Variants in CHL1 observed in about 807,000 individuals in gnomAD.
CHL1 encodes cell adhesion molecule L1 like, also known as neural cell adhesion molecule L1-like protein.
CHL1 carries 96 observed loss-of-function variants against 141.9 expected under a neutral mutation model. The ratio of observed to expected loss-of-function variants is 0.68; its 90% CI spans 0.57 to 0.80. The LOEUF is 0.80. Among genes scored for constraint, CHL1 ranks in the 30% least tolerant of loss-of-function variants. The pLI is 0.00. For synonymous variants in CHL1, 613 were observed against 502.2 expected, an observed-to-expected ratio of 1.22 and a Z score of -2.95; for missense variants, 1,820 against 1,457.2, an observed-to-expected ratio of 1.25 and a Z score of -4.05.
intron 2 of CHL1, among the ~76,000 whole-genome samples, chr3:255,487 T>C (rs1654316311): frequency 9.8e-6 from 1 of 102,060 alleles, no homozygotes; most frequent in Non-Finnish European, 2.0e-5. Context: ...GACAGCCTTT[T>C]GGTGTCTTTG....
At chr3:381,239 A>G (rs981559004) in intron 16 of CHL1, among the ~76,000 whole-genome samples, 3 of 152,180 alleles carry the variant, frequency 2.0e-5, no homozygotes, top group Non-Finnish European at 2.9e-5. Context: ...GCTGCATTTT[A>G]CAAAGAACCC....
At chr3:197,889 G>T (rs1242693618) in intron 1 of CHL1, 1 of 366,348 alleles carries the variant, frequency 2.7e-6, no homozygotes, top group Non-Finnish European at 5.2e-6. Flanking sequence ...TTTTTTTTTG[G>T]AGTGTGAGTG....
intron 1 of CHL1, among the ~76,000 whole-genome samples, chr3:208,650 T>C (rs1448884472): frequency 1.3e-5 from 2 of 152,220 alleles, no homozygotes; most frequent in Non-Finnish European, 2.9e-5. Flanking sequence ...TATTTGAATA[T>C]GGTACCATTA....
intron 22 of CHL1, 72 bp downstream of exon 22, chr3:391,231 A>T: frequency 8.2e-7 from 1 of 1,224,896 alleles, no homozygotes; most frequent in Non-Finnish European, 1.2e-6. Flanking sequence ...ATTCTTCCTT[A>T]TGGCCAGGCA....
At chr3:376,476 T>C in intron 15 of CHL1, 1 of 496,404 alleles carries the variant, frequency 2.0e-6, no homozygotes, top group South Asian at 1.5e-5. Flanking sequence ...GCACCCAACG[T>C]TGATTAATTG....
At chr3:276,793 G>A (rs754407377) in intron 2 of CHL1, among the ~76,000 whole-genome samples, 12 of 151,506 alleles carry the variant, frequency 7.9e-5, no homozygotes, top group Admixed American at 2.6e-4. Flanking sequence ...GGAGGCTGAG[G>A]CAGGAGAATA....
chr3:274,330 C>G (rs907394227), intron 2 of CHL1, among the ~76,000 whole-genome samples: 2 of 152,136 alleles, frequency 1.3e-5, no homozygotes, highest in Non-Finnish European at 2.9e-5. Context: ...CACACATATA[C>G]CCCACACACA....
At chr3:270,711 T>A (rs1203484540) in intron 2 of CHL1, among the ~76,000 whole-genome samples, 3 of 152,224 alleles carry the variant, frequency 2.0e-5, no homozygotes, top group African/African-American at 7.2e-5. Context: ...GCTAAAAGTT[T>A]TAAATGCAAT....
At chr3:388,812 C>A (rs1471317017) in intron 19 of CHL1, among the ~76,000 whole-genome samples, 1 of 152,168 alleles carries the variant, frequency 6.6e-6, no homozygotes, top group African/African-American at 2.4e-5. Flanking sequence ...AGAAAGAGTT[C>A]TCTTCAAAAA....
At position 399,605 on chromosome 3, in the gene CHL1, A is replaced by G. The variant is rs1255568070; in HGVS notation, c.3385+457A>G. Among the ~76,000 whole-genome samples the G allele has an allele frequency of 2.0e-5, 3 of 152,178 alleles. No individual in the cohort carries two copies. The East Asian group carries it at 5.8e-4, about 29-fold the overall frequency. ...CAGTGAGCTGAGATCATGCCACTGT[A>G]CTTCAGCTTGGGCGACAAGAGCAAA... is the stretch of plus-strand genomic sequence containing the variant. On this transcript the variant is annotated intron_variant, in intron 26 of 27. Coordinates refer to ENST00000256509, the MANE Select transcript of CHL1 (RefSeq NM_006614.4).
intron 14 of CHL1, among the ~76,000 whole-genome samples, chr3:365,556 A>C (rs960717884): frequency 6.6e-6 from 1 of 152,238 alleles, no homozygotes; most frequent in Non-Finnish European, 1.5e-5. Context: ...TTTCTGAATT[A>C]ATAATAAACA....
rs117733326 is a variant in CHL1, at chr3:207,229, G to T, written c.-175+10166G>T. On this transcript the variant is annotated intron_variant, in intron 1 of 27. Transcript: ENST00000256509. The stretch of plus-strand genomic sequence containing the variant: ...AAATAGCATTCTCAGATGCTGAGTG[G>T]CTCCAAAAGGCTCCTTTTTGTGTAC... Among the ~76,000 whole-genome samples, 20 of 152,254 alleles carry T rather than the reference G, an allele frequency of 1.3e-4. No homozygotes were observed. In the East Asian group the frequency reaches 3.1e-3, roughly 23 times the overall value.
At chr3:234,690 A>G (rs1691772468) in intron 1 of CHL1, among the ~76,000 whole-genome samples, 1 of 152,114 alleles carries the variant, frequency 6.6e-6, no homozygotes, top group Admixed American at 6.6e-5. Context: ...CAGCAGGTGC[A>G]ATGGCTCAAG....
chr3:265,143 A>C (rs59660528), intron 2 of CHL1, among the ~76,000 whole-genome samples: 134 of 152,330 alleles, frequency 8.8e-4, no homozygotes, highest in African/African-American at 3.0e-3. Context: ...TTATTTAATT[A>C]ACGGGTAGCT....
rs565619912 is a variant in CHL1, at chr3:287,513, G to C, written c.-94-32170G>C. 2.8e-4 allele frequency among the ~76,000 whole-genome samples: 42 copies of C among 152,300 alleles called. 1 individual carries two copies. Among genetic ancestry groups the C allele is most frequent in the Admixed American group, 2.5e-3 (38 of 15,306 alleles). ...TAGAGGTGCTTTGGGAAAGATGATT[G>C]AGATACCTCCTTATAATCTTAGAAT... is the stretch of plus-strand genomic sequence containing the variant. On this transcript the variant is annotated intron_variant, in intron 2 of 27. Coordinates refer to ENST00000256509, the MANE Select transcript of CHL1 (RefSeq NM_006614.4).
intron 1 of CHL1, among the ~76,000 whole-genome samples, chr3:243,038 T>C (rs778427320): frequency 6.6e-6 from 1 of 152,148 alleles, no homozygotes; most frequent in Non-Finnish European, 1.5e-5. Context: ...CTTAGACAGA[T>C]CTAATGTTAG....
chr3:269,638 G>T (rs549396735), intron 2 of CHL1, among the ~76,000 whole-genome samples: 1 of 152,278 alleles, frequency 6.6e-6, no homozygotes, highest in African/African-American at 2.4e-5. Context: ...CGATTCTCCT[G>T]CCTCAGCCTC....
At chr3:280,090 A>T (rs913021454) in intron 2 of CHL1, among the ~76,000 whole-genome samples, 1 of 152,216 alleles carries the variant, frequency 6.6e-6, no homozygotes, top group Non-Finnish European at 1.5e-5. Flanking sequence ...GTGTGTAAAG[A>T]TAAGTATTTT....
At chr3:272,691 GTT>G (rs1314170686) in intron 2 of CHL1, among the ~76,000 whole-genome samples, 2 of 152,306 alleles carry the variant, frequency 1.3e-5, no homozygotes, top group East Asian at 3.9e-4. Context: ...TGTTCAAATA[GTT>G]CAAAGCAGCA....
Sources: gnomAD v4.1 joint callset for allele counts (sites outside exome capture counted in the v4.1 genomes callset) on GRCh38, gnomAD v4.1.1 for gene constraint, MANE v1.5 for transcripts, NCBI Gene and HGNC (gene_info 2026-07-23, HGNC 2026-07-21) for gene names.